ERI3: variants seen among roughly 807,000 people sequenced by gnomAD.
ERI3 encodes ERI1 exoribonuclease family member 3, also known as ERI1 exoribonuclease 3.
Under a neutral mutation model 44.4 loss-of-function variants are expected in ERI3, and 18 were observed. The ratio of observed to expected loss-of-function variants is 0.41; its 90% CI spans 0.28 to 0.60. The LOEUF (loss-of-function observed/expected upper bound fraction) is 0.60. Among genes scored for constraint, ERI3 ranks in the 20% least tolerant of loss-of-function variants. ERI3 has a pLI of 0.36. For missense variants in ERI3, 294 were observed against 435.5 expected, an observed-to-expected ratio of 0.68 and a Z score of 2.89; for synonymous variants, 183 against 164.8, an observed-to-expected ratio of 1.11 and a Z score of -0.84.
chr1:44,317,948 C>T (rs373369235), intron 4 of ERI3, among the ~76,000 whole-genome samples: 2 of 152,152 alleles, frequency 1.3e-5, no homozygotes, highest in Non-Finnish European at 2.9e-5. Flanking sequence ...ATGGCAGACC[C>T]GGTGCCTACA....
chr1:44,317,635 A>C (rs1176874713), intron 4 of ERI3, among the ~76,000 whole-genome samples: 2 of 152,070 alleles, frequency 1.3e-5, no homozygotes, highest in Admixed American at 6.6e-5. Context: ...TAGTCTAGTG[A>C]AAAGACAGAT....
chr1:44,240,038 G>C lies in ERI3; in HGVS notation c.931+7901C>G, dbSNP rs972313329. Among the ~76,000 whole-genome samples, 14 of 152,358 alleles carry C rather than the reference G, an allele frequency of 9.2e-5. No individual in the cohort carries two copies. The East Asian group carries it at 1.9e-3, about 21-fold the overall frequency. On this transcript the variant is annotated intron_variant, in intron 8 of 8. Coordinates refer to ENST00000372257, the MANE Select transcript of ERI3 (RefSeq NM_024066.3). ...CTCCCAGCTCCCAGCCCTGCCTGGTGGGAGGGTACAGCAGGGACCCAGTTT... is the reference window on the plus strand; with the variant it reads ...CTCCCAGCTCCCAGCCCTGCCTGGTCGGAGGGTACAGCAGGGACCCAGTTT...
intron 8 of ERI3, among the ~76,000 whole-genome samples, chr1:44,233,533 A>G (rs937128517): frequency 2.0e-5 from 3 of 151,724 alleles, no homozygotes; most frequent in African/African-American, 7.3e-5. Flanking sequence ...CCTCCAGAGT[A>G]GCTGGGACTA....
rs1395515603 is a variant in ERI3 at position 44,260,391 on chromosome 1, G to A, written c.832-12353C>T. ...ATGACCCACACAGACTGCGGATTGA[G>A]CAGGGGCAGGAGTGTGAGGAGGACC... is the stretch of plus-strand genomic sequence containing the variant. On this transcript the variant is annotated intron_variant, in intron 7 of 8. Coordinates refer to ENST00000372257, the MANE Select transcript of ERI3 (RefSeq NM_024066.3). Among the ~76,000 whole-genome samples the A allele has an allele frequency of 7.2e-5, 11 of 152,368 alleles. No individual in the cohort carries two copies. In the South Asian group the frequency reaches 2.3e-3, roughly 32 times the overall value.
chr1:44,354,682 G>C, intron 1 of ERI3: 1 of 985,370 alleles, frequency 1.0e-6, no homozygotes, highest in Non-Finnish European at 1.2e-6. Flanking sequence ...ATCCCAGTAA[G>C]TCAACCCCCT....
At chr1:44,250,050 T>C (rs1644643208) in intron 7 of ERI3, among the ~76,000 whole-genome samples, 1 of 152,136 alleles carries the variant, frequency 6.6e-6, no homozygotes, top group Admixed American at 6.5e-5. Flanking sequence ...TTAAGTGATG[T>C]CGGGGAGAAG....
Position 44,352,926 on chromosome 1 carries a change from C to T in ERI3, c.136-1G>A, listed in dbSNP as rs780571393. On this transcript the variant is annotated splice_acceptor_variant, in intron 1 of 8. Transcript: ENST00000372257. LOFTEE classifies it high-confidence loss of function. ...CTGTGAGAGCTGGAAAGCCCCAATGCTGTGGATAAATACACATCTCTGCAA... is the reference window on the plus strand; with the variant it reads ...CTGTGAGAGCTGGAAAGCCCCAATGTTGTGGATAAATACACATCTCTGCAA... The T allele has an allele frequency of 6.2e-7, 1 of 1,614,138 alleles. No homozygotes were observed. Among genetic ancestry groups the T allele is most frequent in the Non-Finnish European group, 8.5e-7 (1 of 1,180,026 alleles).
In ERI3 at chr1:44,355,064, C is replaced by T. The variant is rs775765117; in HGVS notation, c.-38G>A. ...TCCTCGGGGCCAGCGCGGCAGGCTC[C>T]CTCCAGGTGCAGGCCCCGACGTCTC... On this transcript the variant is annotated 5_prime_UTR_variant, in exon 1 of 9. Transcript: ENST00000372257. The T allele has an allele frequency of 3.4e-5, 45 of 1,332,966 alleles. No homozygotes were observed. Among genetic ancestry groups the T allele is most frequent in the Admixed American group, 3.6e-5 (1 of 27,418 alleles). The allele number at this position is 1,332,966 out of a possible 1,614,324, so 82.6% of individuals were successfully genotyped here. A position where few individuals can be genotyped will look rare whatever the true frequency, so the allele number is the denominator to read the frequency against.
intron 7 of ERI3, among the ~76,000 whole-genome samples, chr1:44,249,194 T>G (rs2154318278): frequency 6.6e-6 from 1 of 152,286 alleles, no homozygotes; most frequent in Non-Finnish European, 1.5e-5. Flanking sequence ...AACACCAGGC[T>G]GCCCTTCTAC....
At chr1:44,261,657 C>G (rs375934753) in intron 7 of ERI3, among the ~76,000 whole-genome samples, 2 of 152,258 alleles carry the variant, frequency 1.3e-5, no homozygotes, top group East Asian at 1.9e-4. Context: ...GCGCTCCGCT[C>G]CGTCCCCAAA....
chr1:44,327,257 A>T (rs920585532), intron 3 of ERI3, among the ~76,000 whole-genome samples: 4 of 152,174 alleles, frequency 2.6e-5, no homozygotes, highest in Admixed American at 2.6e-4. Flanking sequence ...AGCCCAAAAA[A>T]ATCTCTCTGG....
chr1:44,339,502 T>C (rs986038199), intron 2 of ERI3, among the ~76,000 whole-genome samples, 180 bp from the exon 3 acceptor site: 5 of 152,060 alleles, frequency 3.3e-5, no homozygotes, highest in Non-Finnish European at 7.4e-5. Flanking sequence ...ATCATAGTAT[T>C]CGTTACTAAA....
chr1:44,289,529 T>G (rs772324831), intron 6 of ERI3, among the ~76,000 whole-genome samples: 1 of 152,094 alleles, frequency 6.6e-6, no homozygotes, highest in Non-Finnish European at 1.5e-5. Flanking sequence ...CAAAGAGCAT[T>G]CCCCCTACTT....
At chr1:44,332,773 C>A (rs1033580001) in intron 3 of ERI3, among the ~76,000 whole-genome samples, 1 of 152,138 alleles carries the variant, frequency 6.6e-6, no homozygotes, top group Non-Finnish European at 1.5e-5. Context: ...GGGAGCCAGG[C>A]GGAGGCCCAT....
intron 8 of ERI3, among the ~76,000 whole-genome samples, chr1:44,236,132 A>T (rs1289097761): frequency 6.6e-6 from 1 of 152,118 alleles, no homozygotes; most frequent in Non-Finnish European, 1.5e-5. Context: ...AATCATGAGG[A>T]CTAATGGGAA....
At chr1:44,350,850 T>G (rs1189643573) in intron 2 of ERI3, among the ~76,000 whole-genome samples, 1 of 151,630 alleles carries the variant, frequency 6.6e-6, no homozygotes, top group African/African-American at 2.4e-5. Flanking sequence ...CCTCCCAAAG[T>G]GCTGAGATTA....
At chr1:44,253,146 CT>C (rs1412962725) in intron 7 of ERI3, among the ~76,000 whole-genome samples, 2 of 152,222 alleles carry the variant, frequency 1.3e-5, no homozygotes, top group East Asian at 1.9e-4. Flanking sequence ...CTGACCAACA[CT>C]TCCACAGCTG....
At chr1:44,273,508 C>G (rs1645126418) in intron 7 of ERI3, among the ~76,000 whole-genome samples, 1 of 152,230 alleles carries the variant, frequency 6.6e-6, no homozygotes, top group Non-Finnish European at 1.5e-5. Flanking sequence ...GCTCATCAGT[C>G]TAGCCCAAGA....
chr1:44,323,270 T>A (rs1295201741), intron 3 of ERI3, among the ~76,000 whole-genome samples: 2 of 152,152 alleles, frequency 1.3e-5, no homozygotes, highest in African/African-American at 4.8e-5. Flanking sequence ...TAAGATGTAG[T>A]CTCCACTTTG....
Sources: allele counts gnomAD v4.1 joint callset (sites outside exome capture counted in the v4.1 genomes callset), GRCh38; gene constraint gnomAD v4.1.1; transcripts MANE v1.5; gene names NCBI Gene and HGNC (gene_info 2026-07-23, HGNC 2026-07-21).